Variants in DOCK4 observed in about 807,000 individuals in gnomAD.
The protein encoded by DOCK4 is dedicator of cytokinesis protein 4.
A neutral mutation model predicts 268.1 loss-of-function variants in DOCK4; 97 were observed. The observed-to-expected ratio is 0.36, with a 90% CI of 0.31 to 0.43. DOCK4 has a LOEUF of 0.43. Ranked by LOEUF, DOCK4 falls within the 20% of genes least tolerant of loss-of-function variation. DOCK4 has a pLI of 1.00. For missense variants in DOCK4, 2,145 were observed against 2,455.7 expected, an observed-to-expected ratio of 0.87 and a Z score of 2.67; for synonymous variants, 954 against 887.2, an observed-to-expected ratio of 1.08 and a Z score of -1.34.
chr7:112,169,248 C>G (rs118109357), intron 1 of DOCK4, among the ~76,000 whole-genome samples: 1 of 152,320 alleles, frequency 6.6e-6, no homozygotes, highest in East Asian at 1.9e-4. Context: ...GCTTCTAGTA[C>G]AGCCTGTGGA....
chr7:111,763,675 C>T (rs1164151053), intron 39 of DOCK4, among the ~76,000 whole-genome samples: 4 of 152,166 alleles, frequency 2.6e-5, no homozygotes, highest in East Asian at 3.9e-4. Context: ...GTGGCAGGGT[C>T]GTGTCTAGAC....
At chr7:111,825,232 T>C (rs551188439) in intron 26 of DOCK4, among the ~76,000 whole-genome samples, 131 of 152,336 alleles carry the variant, frequency 8.6e-4, no homozygotes, top group African/African-American at 3.0e-3. Flanking sequence ...TCATATCATG[T>C]TGTCATAACA....
At chr7:111,769,410 C>T (rs2133671513) in intron 37 of DOCK4, 119 bp downstream of exon 37, 1 of 1,272,106 alleles carries the variant, frequency 7.9e-7, no homozygotes, top group South Asian at 1.4e-5. Flanking sequence ...TTCTAATATA[C>T]ATTAAGATGT....
At chr7:111,934,521 T>C (rs1308711034) in intron 12 of DOCK4, among the ~76,000 whole-genome samples, 1 of 136,258 alleles carries the variant, frequency 7.3e-6, no homozygotes, top group East Asian at 2.3e-4. Context: ...TGTTTTGTTT[T>C]TGTTTTTTTT....
chr7:111,870,552 C>T (rs539409282), intron 20 of DOCK4, among the ~76,000 whole-genome samples: 1 of 152,058 alleles, frequency 6.6e-6, no homozygotes, highest in Non-Finnish European at 1.5e-5. Flanking sequence ...GAACTCCTGA[C>T]CTCAAATGAT....
At chr7:111,889,408 T>C (rs1178638773) in intron 16 of DOCK4, among the ~76,000 whole-genome samples, 1 of 152,114 alleles carries the variant, frequency 6.6e-6, no homozygotes, top group Non-Finnish European at 1.5e-5. Context: ...TGGGGTTCAC[T>C]GGGCAGCAGG....
chr7:112,052,009 T>G (rs1026963056), intron 1 of DOCK4, among the ~76,000 whole-genome samples: 2 of 152,126 alleles, frequency 1.3e-5, no homozygotes, highest in Non-Finnish European at 2.9e-5. Context: ...CCACAAATGC[T>G]CAAACAGTTC....
chr7:111,927,102 G>T (rs571364143), intron 12 of DOCK4, among the ~76,000 whole-genome samples: 104 of 152,234 alleles, frequency 6.8e-4, no homozygotes, highest in Admixed American at 2.9e-3. Context: ...TAACCCAAAG[G>T]GTCTGACCAT....
chr7:111,906,650 T>C (rs771902162), intron 13 of DOCK4, among the ~76,000 whole-genome samples: 1 of 151,986 alleles, frequency 6.6e-6, no homozygotes, highest in Admixed American at 6.6e-5. Flanking sequence ...AAATTAATGA[T>C]CTTGAGATAG....
intron 1 of DOCK4, among the ~76,000 whole-genome samples, chr7:112,114,959 C>A (rs1811993153): frequency 6.6e-6 from 1 of 152,196 alleles, no homozygotes; most frequent in Admixed American, 6.5e-5. Flanking sequence ...CCCCTAGACT[C>A]CACCTTGAGA....
rs377271350 is a variant in DOCK4, at chr7:112,024,323, A to C, written c.38-20192T>G. ...GAGCTTTTCCCTTGAACACCAGATT[A>C]GTATACTTAGTATATTCAACTTCTT... is the stretch of plus-strand genomic sequence containing the variant. On this transcript the variant is annotated intron_variant, in intron 1 of 52. Transcript: ENST00000428084. Among the ~76,000 whole-genome samples the C allele has an allele frequency of 3.7e-4, 56 of 152,306 alleles. 2 individuals carry two copies. The East Asian group carries it at 6.8e-3, about 18-fold the overall frequency.
At chr7:111,757,075 G>A (rs962943622) in intron 41 of DOCK4, among the ~76,000 whole-genome samples, 2 of 152,064 alleles carry the variant, frequency 1.3e-5, no homozygotes, top group Non-Finnish European at 2.9e-5. Context: ...AGCGGCTTGC[G>A]AAAGGGCTTG....
chr7:112,181,955 G>A (rs1010094011), intron 1 of DOCK4, among the ~76,000 whole-genome samples: 1 of 152,198 alleles, frequency 6.6e-6, no homozygotes, highest in African/African-American at 2.4e-5. Flanking sequence ...CACAGGGCCA[G>A]GAACCTCAAC....
At chr7:112,118,858 A>G (rs1486305799) in intron 1 of DOCK4, among the ~76,000 whole-genome samples, 1 of 152,156 alleles carries the variant, frequency 6.6e-6, no homozygotes, top group East Asian at 1.9e-4. Flanking sequence ...GTCAGAGCCC[A>G]GTTTCTTCAA....
intron 25 of DOCK4, among the ~76,000 whole-genome samples, chr7:111,835,669 C>T (rs938362000): frequency 6.6e-6 from 1 of 152,102 alleles, no homozygotes; most frequent in Non-Finnish European, 1.5e-5. Context: ...TGTATATTTA[C>T]AGAAGTGCAA....
Position 111,933,214 on chromosome 7 carries a change from A to G in DOCK4, c.1066+2326T>C, listed in dbSNP as rs187639824. ...TATACACATATATACGTATATACAC[A>G]TATATACGTATATACACATATATAC... On this transcript the variant is annotated intron_variant, in intron 12 of 52. Transcript: ENST00000428084. Among the ~76,000 whole-genome samples the G allele has an allele frequency of 1.9e-3, 267 of 143,458 alleles. 1 individual carries two copies. The highest frequency in any genetic ancestry group is 6.5e-3 in the African/African-American group (247 of 38,028). The allele number at this position is 143,458 out of a possible 152,430, so 94.1% of individuals were successfully genotyped here.
chr7:111,816,622 G>T (rs1287004246), intron 27 of DOCK4, among the ~76,000 whole-genome samples: 1 of 152,150 alleles, frequency 6.6e-6, no homozygotes, highest in Non-Finnish European at 1.5e-5. Context: ...GACAAGGAAG[G>T]GCTGGAACTT....
intron 1 of DOCK4, among the ~76,000 whole-genome samples, chr7:112,066,012 T>C (rs752753320): frequency 2.0e-5 from 3 of 152,152 alleles, no homozygotes; most frequent in Non-Finnish European, 4.4e-5. Context: ...CACTGACTCA[T>C]ACCCAAATGC....
chr7:111,945,310 C>T (rs1239249472), intron 9 of DOCK4, among the ~76,000 whole-genome samples: 4 of 152,092 alleles, frequency 2.6e-5, no homozygotes, highest in Admixed American at 2.0e-4. Flanking sequence ...CTCAGCCTCC[C>T]GAGTAACTGG....
Sources: gnomAD v4.1 joint callset for allele counts (sites outside exome capture counted in the v4.1 genomes callset) on GRCh38, gnomAD v4.1.1 for gene constraint, MANE v1.5 for transcripts, NCBI Gene and HGNC (gene_info 2026-07-23, HGNC 2026-07-21) for gene names.